The following FANCM variants were observed in gnomAD, a reference collection of about 807,000 sequenced individuals.
The protein encoded by FANCM is FA complementation group M, also known as Fanconi anemia group M protein.
FANCM carries 140 observed loss-of-function variants against 199.5 expected under a neutral mutation model. The ratio of observed to expected loss-of-function variants is 0.70; its 90% CI spans 0.61 to 0.81. FANCM has a LOEUF of 0.81. Ranked by LOEUF, FANCM falls within the 30% of genes least tolerant of loss-of-function variation. The probability of loss-of-function intolerance (pLI) is 0.00; values close to 1 mark genes in which losing one functional copy is unlikely to be tolerated. For missense variants in FANCM, 2,410 were observed against 2,421.4 expected, an observed-to-expected ratio of 1.00 and a Z score of 0.10; for synonymous variants, 840 against 836.8, an observed-to-expected ratio of 1.00 and a Z score of -0.07.
rs1350587461 is a variant in FANCM at position 45,154,904 on chromosome 14, A to G, written c.1309+82A>G. On this transcript the variant is annotated intron_variant, in intron 7 of 22. Transcript: ENST00000267430. ...TTTGAAATTTTGCTCCTTTGATGCAAATGTCTACAATTATTTATATTTTGT... is the reference window on the plus strand; with the variant it reads ...TTTGAAATTTTGCTCCTTTGATGCAGATGTCTACAATTATTTATATTTTGT... The G allele has an allele frequency of 4.0e-6, 4 of 995,688 alleles. No homozygotes were observed. In the African/African-American group the frequency reaches 4.8e-5, roughly 12 times the overall value. The allele number at this position is 995,688 out of a possible 1,614,324, so 61.7% of individuals were successfully genotyped here.
At chr14:45,164,241 C>A (rs1887803562) in intron 9 of FANCM, 118 bp from the exon 10 acceptor site, 8 of 862,782 alleles carry the variant, frequency 9.3e-6, no homozygotes, top group Middle Eastern at 6.5e-4. Context: ...TGTGGCCAGC[C>A]TTGAGGCTGA....
chr14:45,140,809 G>A, intron 3 of FANCM, 100 bp downstream of exon 3: 1 of 791,270 alleles, frequency 1.3e-6, no homozygotes, highest in African/African-American at 1.7e-5. Flanking sequence ...GGGAGGTGGA[G>A]ATGGGAGGAT....
rs144008013 is a variant in FANCM, at chr14:45,196,400, G to A, written c.5569G>A (p.Val1857Met). Reference protein sequence around the residue: ...VCPLNGCDYIVSNRMVVERRS... With the variant: ...VCPLNGCDYIMSNRMVVERRS... ...TCCTCTTAATGGCTGTGATTACATCGTGAGTAATCGCATGGTGGTGGAAAG... is the reference window on the plus strand; with the variant it reads ...TCCTCTTAATGGCTGTGATTACATCATGAGTAATCGCATGGTGGTGGAAAG... The change falls in exon 21 of 23, where the codon GTG becomes ATG. Residue 1857 changes from valine (V) to methionine (M), a missense_variant. By Grantham distance (21) the Val-to-Met change is conservative (BLOSUM62 1). Coordinates refer to ENST00000267430, the MANE Select transcript of FANCM (RefSeq NM_020937.4). 7.2e-4 allele frequency: 1,157 copies of A among 1,614,018 alleles called. 3 individuals are homozygous for A. The highest frequency in any genetic ancestry group is 8.6e-4 in the Non-Finnish European group (1,013 of 1,179,930).
intron 9 of FANCM, 70 bp from the exon 10 acceptor site, chr14:45,164,289 G>A: frequency 1.5e-6 from 2 of 1,317,994 alleles, no homozygotes; most frequent in Non-Finnish European, 2.2e-6. Context: ...GGTGAGTGGG[G>A]AAAAATATGC....
chr14:45,200,832 GAGGCCTCCCC>G lies in FANCM; in HGVS notation c.*827_*836del, dbSNP rs1890313829. 6.6e-6 allele frequency: 1 copy of G among 152,160 alleles called. No homozygotes were observed. Among genetic ancestry groups the G allele is most frequent in the South Asian group, 2.1e-4 (1 of 4,830 alleles). The allele number at this position is 152,160 out of a possible 1,614,324, so 9.4% of individuals were successfully genotyped here. On this transcript the variant is annotated 3_prime_UTR_variant, in exon 23 of 23. Coordinates refer to ENST00000267430, the MANE Select transcript of FANCM (RefSeq NM_020937.4). ...CCCTCCACCATGATTGTAAGTTCCC[GAGGCCTCCCC>G]AGCCATGCAGGACTGTGAGTCAATT...
At chr14:45,169,388 T>G (rs1390160154) in intron 11 of FANCM, among the ~76,000 whole-genome samples, 1 of 151,252 alleles carries the variant, frequency 6.6e-6, no homozygotes, top group Admixed American at 6.6e-5. Flanking sequence ...TATTTGTTTT[T>G]TTTTTTTCAT....
intron 8 of FANCM, among the ~76,000 whole-genome samples, chr14:45,157,155 G>C (rs1887256909): frequency 6.6e-6 from 1 of 151,918 alleles, no homozygotes; most frequent in Non-Finnish European, 1.5e-5. Flanking sequence ...TTAAAAAAAA[G>C]AATAACAAAA....
At chr14:45,191,435 C>T (rs1889760504) in intron 20 of FANCM, among the ~76,000 whole-genome samples, 1 of 152,220 alleles carries the variant, frequency 6.6e-6, no homozygotes, top group Non-Finnish European at 1.5e-5. Flanking sequence ...GGTGCCTCCA[C>T]ACTGCCCTTC....
chr14:45,176,245 A>G lies in FANCM; in HGVS notation c.3491A>G (p.Lys1164Arg). ...AGCGAATCTTTACCTGTGTCAGACAAAACTGCTATTAGTGAAACGCCTCTG... is the reference window on the plus strand; with the variant it reads ...AGCGAATCTTTACCTGTGTCAGACAGAACTGCTATTAGTGAAACGCCTCTG... ...SKSESLPVSD[K>R]TAISETPLVS... The change falls in exon 14 of 23, where the codon AAA (lysine) becomes AGA (arginine). Residue 1164 changes from lysine to arginine, a missense_variant. By Grantham distance (26) the Lys-to-Arg change is conservative. Coordinates refer to ENST00000267430, the MANE Select transcript of FANCM (RefSeq NM_020937.4). 6.2e-7 allele frequency: 1 copy of G among 1,614,100 alleles called. No individual in the cohort carries two copies. Among genetic ancestry groups the G allele is most frequent in the Non-Finnish European group, 8.5e-7 (1 of 1,179,946 alleles).
In FANCM at chr14:45,200,047, A is replaced by C; in HGVS notation, c.*39A>C. ...GATGGGGTTTTCAAAGACCTCTCACAATATTAAATGCACTTCAATAATCAT... is the reference window on the plus strand; with the variant it reads ...GATGGGGTTTTCAAAGACCTCTCACCATATTAAATGCACTTCAATAATCAT... On this transcript the variant is annotated 3_prime_UTR_variant, in exon 23 of 23. Transcript: ENST00000267430. 1 of 1,452,494 alleles carries C rather than the reference A, an allele frequency of 6.9e-7. No homozygotes were observed. The highest frequency in any genetic ancestry group is 9.6e-7 in the Non-Finnish European group (1 of 1,039,138). 90.0% of individuals were successfully genotyped at this position (1,452,494 alleles called of 1,614,324 possible).
At chr14:45,177,483 CCA>C (rs1888786931) in intron 14 of FANCM, among the ~76,000 whole-genome samples, 1 of 152,086 alleles carries the variant, frequency 6.6e-6, no homozygotes, top group Admixed American at 6.5e-5. Flanking sequence ...CCTCCGCCTC[CCA>C]GGTTCAAGTG....
At chr14:45,169,506 A>T (rs1888206204) in intron 11 of FANCM, among the ~76,000 whole-genome samples, 1 of 151,768 alleles carries the variant, frequency 6.6e-6, no homozygotes, top group African/African-American at 2.4e-5. Flanking sequence ...GGCTTAAGAG[A>T]TCCTCCTGTC....
intron 16 of FANCM, 23 bp from the exon 17 acceptor site, chr14:45,183,751 A>T (rs569167025): frequency 6.3e-7 from 1 of 1,586,646 alleles, no homozygotes. Context: ...TTCTTATGCA[A>T]GAATTTTGTC....
In FANCM at chr14:45,198,656, G is replaced by C. The variant is rs1193767487; in HGVS notation, c.5729G>C (p.Arg1910Thr). ...TATGAATATTTAGGAGACACATCAA[G>C]GATGTTTAGGAGAACAAAGAGCTAT... ...KDREKTGDTS[R>T]MFRRTKSYDS... is the part of the protein sequence containing the mutation. Residue 1910 changes from arginine (R) to threonine (T), a missense_variant, in exon 22 of 23, where the codon AGG becomes ACG. Transcript: ENST00000267430. The C allele has an allele frequency of 6.2e-7, 1 of 1,610,618 alleles. No homozygotes were observed.
chr14:45,156,659 C>T (rs1180672785), intron 8 of FANCM, among the ~76,000 whole-genome samples: 3 of 152,064 alleles, frequency 2.0e-5, no homozygotes, highest in Non-Finnish European at 4.4e-5. Flanking sequence ...GTGGCTCACA[C>T]CTGTAATCCC....
chr14:45,194,303 AAAAAAAAAAAAAC>A (rs747527917), intron 20 of FANCM, among the ~76,000 whole-genome samples: 142 of 144,204 alleles, frequency 9.8e-4, no homozygotes, highest in Non-Finnish European at 1.5e-3. Context: ...ACTCCGTCTC[AAAAAAAAAAAAAC>A]AAAAAAAAAC....
At chr14:45,148,715 C>T (rs1886604789) in intron 3 of FANCM, 122 bp from the exon 4 acceptor site, 2 of 667,348 alleles carry the variant, frequency 3.0e-6, no homozygotes, top group Admixed American at 5.3e-5. Flanking sequence ...TTTTTTGTTA[C>T]TTAATGATAT....
chr14:45,188,815 A>C lies in FANCM; in HGVS notation c.4793A>C (p.Asp1598Ala). 1 of 1,611,260 alleles carries C rather than the reference A, an allele frequency of 6.2e-7. No individual in the cohort carries two copies. The highest frequency in any genetic ancestry group is 1.1e-5 in the South Asian group (1 of 90,930). ...TTTTTATTGTAGATTCCTGAACAAG[A>C]TGAAACCTATTTAGAGGATAGTTTT... ...INIFSQIPEQ[D>A]ETYLEDSFCV... The change falls in exon 20 of 23, where the codon GAT becomes GCT. Residue 1598 changes from aspartate to alanine, a missense_variant. Coordinates refer to ENST00000267430, the MANE Select transcript of FANCM (RefSeq NM_020937.4).
chr14:45,136,411 A>G lies in FANCM; in HGVS notation c.380A>G (p.Asn127Ser), dbSNP rs765266610. 7 of 1,613,930 alleles carry G rather than the reference A, an allele frequency of 4.3e-6. No homozygotes were observed. Among genetic ancestry groups the G allele is most frequent in the African/African-American group, 2.7e-5 (2 of 74,860 alleles). The change falls in exon 1 of 23, where the codon AAT (asparagine) becomes AGT (serine). Residue 127 changes from asparagine to serine, a missense_variant. Asn to Ser is a conservative substitution (Grantham distance 46, BLOSUM62 1). Transcript: ENST00000267430. ...KTFIAAVVMY[N>S]FYRWFPSGKV... ...TTTATTGCCGCCGTGGTCATGTACA[A>G]TTTCTACCGCTGGTTCCCTTCAGGA... is the stretch of plus-strand genomic sequence containing the variant.
Sources: gnomAD v4.1 joint callset for allele counts (sites outside exome capture counted in the v4.1 genomes callset) on GRCh38, gnomAD v4.1.1 for gene constraint, MANE v1.5 for transcripts, NCBI Gene and HGNC (gene_info 2026-07-23, HGNC 2026-07-21) for gene names.